TOM1: variants seen among roughly 807,000 people sequenced by gnomAD.
The protein encoded by TOM1 is target of Myb protein 1.
Under a neutral mutation model 61.3 loss-of-function variants are expected in TOM1, and 38 were observed. That is an observed-to-expected ratio of 0.62 (90% confidence interval 0.48 to 0.81). TOM1 has a LOEUF of 0.81. TOM1 is among the 40% of genes least tolerant of loss of function. The pLI, the probability that TOM1 is intolerant of heterozygous loss-of-function variation, is 0.00. For synonymous variants in TOM1, 270 were observed against 268.8 expected (o/e 1.00, Z -0.04); for missense variants, 591 against 659.6 (o/e 0.90, Z 1.14).
At chr22:35,343,371 TCCACACACAC>T (rs1930141244) in intron 12 of TOM1, among the ~76,000 whole-genome samples, 3 of 54,684 alleles carry the variant, frequency 5.5e-5, no homozygotes, top group African/African-American at 7.4e-5. Context: ...ACCACACACC[TCCACACACAC>T]CTCCACTCAT....
intron 1 of TOM1, among the ~76,000 whole-genome samples, chr22:35,304,244 C>T (rs1926112562): frequency 6.6e-6 from 1 of 152,152 alleles, no homozygotes; most frequent in Admixed American, 6.5e-5. Context: ...GTCCCACCCT[C>T]CAAGAGCCAC....
intron 1 of TOM1, among the ~76,000 whole-genome samples, chr22:35,305,445 AG>A (rs1347449488): frequency 3.9e-5 from 6 of 152,128 alleles, no homozygotes; most frequent in Admixed American, 3.3e-4. Context: ...GTGGATCACG[AG>A]GTCAAGAAAT....
At chr22:35,336,190 A>G (rs1031580337) in intron 11 of TOM1, among the ~76,000 whole-genome samples, 5 of 152,142 alleles carry the variant, frequency 3.3e-5, no homozygotes, top group Non-Finnish European at 7.4e-5. Flanking sequence ...GGCCCTCCCC[A>G]GGGCTTGGTT....
At chr22:35,328,119 C>T (rs1266699316) in intron 7 of TOM1, among the ~76,000 whole-genome samples, 2 of 152,216 alleles carry the variant, frequency 1.3e-5, no homozygotes. Context: ...GAGGGCAGCG[C>T]TGTGTCTTCC....
At chr22:35,324,315 G>A (rs567489740) in intron 6 of TOM1, among the ~76,000 whole-genome samples, 6 of 151,122 alleles carry the variant, frequency 4.0e-5, no homozygotes, top group East Asian at 2.0e-4. Flanking sequence ...GCATGGTCAC[G>A]TGCGTCTGTG....
rs772087164 is a variant in TOM1, at chr22:35,334,304, C to G, written c.1028-24C>G. On this transcript the variant is annotated intron_variant, in intron 10 of 14. Coordinates refer to ENST00000449058, the MANE Select transcript of TOM1 (RefSeq NM_005488.3). ...CACACAAGCTTGTGGATGGGTCTTT[C>G]ACGTGGCCTTTCTGTCCCTGCAGAC... is the stretch of plus-strand genomic sequence containing the variant. The G allele has an allele frequency of 2.5e-6, 4 of 1,603,464 alleles. No individual in the cohort carries two copies. The South Asian group carries it at 3.3e-5, about 13-fold the overall frequency.
intron 2 of TOM1, 199 bp downstream of exon 2, chr22:35,318,160 C>T (rs1386494073): frequency 1.7e-6 from 1 of 581,938 alleles, no homozygotes; most frequent in Non-Finnish European, 3.1e-6. Context: ...CACAGCTGGC[C>T]CCTGGGGGCT....
chr22:35,341,519 T>C (rs1929880566), intron 12 of TOM1, among the ~76,000 whole-genome samples: 1 of 152,052 alleles, frequency 6.6e-6, no homozygotes, highest in Non-Finnish European at 1.5e-5. Flanking sequence ...GTGTCGGGAT[T>C]CATCGGAACC....
intron 2 of TOM1, among the ~76,000 whole-genome samples, chr22:35,321,353 G>T (rs77584677): frequency 1.7e-4 from 26 of 149,850 alleles, no homozygotes; most frequent in African/African-American, 3.7e-4. Flanking sequence ...TTTTTTTTTT[G>T]AATGTCCTTT....
intron 7 of TOM1, among the ~76,000 whole-genome samples, chr22:35,328,448 CA>C (rs1295718022): frequency 6.6e-6 from 1 of 152,216 alleles, no homozygotes; most frequent in Non-Finnish European, 1.5e-5. Context: ...TGACCACCCC[CA>C]TTTTCCAGGT....
At chr22:35,318,215 G>A (rs1369040635) in intron 2 of TOM1, 18 of 558,512 alleles carry the variant, frequency 3.2e-5, no homozygotes, top group South Asian at 1.8e-4. Context: ...GATTCCACAC[G>A]GATCTGGAAG....
intron 7 of TOM1, among the ~76,000 whole-genome samples, chr22:35,329,018 C>T (rs918079651): frequency 4.6e-5 from 7 of 152,252 alleles, no homozygotes; most frequent in East Asian, 1.9e-4. Flanking sequence ...TGCAGTGGCG[C>T]GATCTCGGCT....
At chr22:35,307,114 T>A (rs1926391854) in intron 1 of TOM1, among the ~76,000 whole-genome samples, 1 of 152,046 alleles carries the variant, frequency 6.6e-6, no homozygotes, top group South Asian at 2.1e-4. Context: ...TTCAGGACAG[T>A]TTAACTCTTT....
At chr22:35,332,897 C>T (rs1197351598) in intron 8 of TOM1, 84 bp from the exon 9 acceptor site, 1 of 1,393,932 alleles carries the variant, frequency 7.2e-7, no homozygotes, top group Admixed American at 1.7e-5. Flanking sequence ...ATGTTGAGAC[C>T]CACAGTTTGA....
chr22:35,332,905 T>C, intron 8 of TOM1, 76 bp from the exon 9 acceptor site: 2 of 1,482,914 alleles, frequency 1.3e-6, no homozygotes, highest in Non-Finnish European at 1.9e-6. Flanking sequence ...ACCCACAGTT[T>C]GAAAAGCTCT....
At chr22:35,334,477 C>T in intron 11 of TOM1, 29 bp downstream of exon 11, 3 of 1,612,844 alleles carry the variant, frequency 1.9e-6, no homozygotes, top group Admixed American at 1.7e-5. Flanking sequence ...CCCTGGTCCC[C>T]TGCAGTTCGG....
chr22:35,318,945 C>T (rs1402191170), intron 2 of TOM1, among the ~76,000 whole-genome samples: 1 of 152,192 alleles, frequency 6.6e-6, no homozygotes, highest in Non-Finnish European at 1.5e-5. Context: ...AGGTGGAGGG[C>T]AGGGAGTGCC....
chr22:35,343,367 C>T (rs541589994), intron 12 of TOM1, among the ~76,000 whole-genome samples: 1 of 149,704 alleles, frequency 6.7e-6, no homozygotes, highest in African/African-American at 2.5e-5. Flanking sequence ...ACCCACCACA[C>T]ACCTCCACAC....
At chr22:35,322,927 G>T (rs975513724) in intron 3 of TOM1, 101 bp from the exon 4 acceptor site, 5 of 1,411,806 alleles carry the variant, frequency 3.5e-6, no homozygotes, top group Non-Finnish European at 3.8e-6. Context: ...CTCCTCTCCC[G>T]GGCCTCCTCT....
Sources: allele counts gnomAD v4.1 joint callset (sites outside exome capture counted in the v4.1 genomes callset), GRCh38; gene constraint gnomAD v4.1.1; transcripts MANE v1.5; gene names NCBI Gene and HGNC (gene_info 2026-07-23, HGNC 2026-07-21).